HIVEP2: variants seen among roughly 807,000 people sequenced by gnomAD.
The protein encoded by HIVEP2 is HIVEP zinc finger 2.
In HIVEP2, 14 loss-of-function variants were observed where a neutral mutation model predicts 180.7. The ratio of observed to expected loss-of-function variants is 0.08; its 90% CI spans 0.05 to 0.12. The LOEUF (loss-of-function observed/expected upper bound fraction) is 0.12. HIVEP2 is among the 10% of genes least tolerant of loss of function. The pLI, the probability that HIVEP2 is intolerant of heterozygous loss-of-function variation, is 1.00. For synonymous variants in HIVEP2, 1,184 were observed against 1,136.4 expected, an observed-to-expected ratio of 1.04 and a Z score of -0.84; for missense variants, 2,579 against 3,008.5, an observed-to-expected ratio of 0.86 and a Z score of 3.34.
At chr6:142,882,645 G>A (rs1028674041) in intron 1 of HIVEP2, among the ~76,000 whole-genome samples, 1 of 151,426 alleles carries the variant, frequency 6.6e-6, no homozygotes, top group African/African-American at 2.4e-5. Flanking sequence ...GGGGAGGGGA[G>A]GGAAAAGAAA....
Position 142,752,495 on chromosome 6 carries a change from CTAGTT to C in HIVEP2, c.*607_*611del, listed in dbSNP as rs1333702212. ...ATGCATAAGTGCAGAATAAGATACT[CTAGTT>C]TAAATATCTTGTTTACAATGTACAT... On this transcript the variant is annotated 3_prime_UTR_variant, in exon 10 of 10. Transcript: ENST00000367603. The C allele has an allele frequency of 2.0e-5, 3 of 152,722 alleles. No homozygotes were observed. The highest frequency in any genetic ancestry group is 4.4e-5 in the Non-Finnish European group (3 of 68,170). 9.5% of individuals were successfully genotyped at this position (152,722 alleles called of 1,614,324 possible).
chr6:142,812,330 C>A (rs116836581), intron 2 of HIVEP2, among the ~76,000 whole-genome samples: 2,178 of 152,294 alleles, frequency 0.014, 59 homozygotes, highest in African/African-American at 0.048. Context: ...CTGTTCCCAA[C>A]AGCCGGAGGG....
At chr6:142,847,424 G>GAA (rs71815898) in intron 1 of HIVEP2, among the ~76,000 whole-genome samples, 26,341 of 148,038 alleles carry the variant, frequency 0.18, 2,439 homozygotes, top group South Asian at 0.22. Flanking sequence ...TGAAATGTTA[G>GAA]AAAAAAAAAA....
intron 1 of HIVEP2, among the ~76,000 whole-genome samples, chr6:142,906,594 C>T (rs62428760): frequency 0.11 from 15,995 of 151,520 alleles, 1,018 homozygotes; most frequent in South Asian, 0.13. Context: ...ATATTCATTC[C>T]CTTTGAAAAA....
At chr6:142,906,945 A>T (rs1411446174) in intron 1 of HIVEP2, among the ~76,000 whole-genome samples, 1 of 152,218 alleles carries the variant, frequency 6.6e-6, no homozygotes, top group Admixed American at 6.5e-5. Context: ...TGACAAAAAC[A>T]AATAAATTAC....
chr6:142,899,279 A>C (rs886490416), intron 1 of HIVEP2, among the ~76,000 whole-genome samples: 18 of 152,194 alleles, frequency 1.2e-4, no homozygotes, highest in African/African-American at 3.9e-4. Flanking sequence ...TCAACCAGGC[A>C]AATTCCCACC....
At chr6:142,843,201 C>T (rs767508858) in intron 1 of HIVEP2, among the ~76,000 whole-genome samples, 5 of 152,074 alleles carry the variant, frequency 3.3e-5, no homozygotes, top group Non-Finnish European at 7.4e-5. Context: ...GTGATAAGTT[C>T]GCTGGTCTAC....
chr6:142,879,974 C>T (rs1025587645), intron 1 of HIVEP2, among the ~76,000 whole-genome samples: 5 of 152,074 alleles, frequency 3.3e-5, no homozygotes, highest in Admixed American at 6.6e-5. Flanking sequence ...TAGCATAGAA[C>T]CTGGCATATA....
Position 142,943,495 on chromosome 6 carries a change from G to A in HIVEP2, c.-641+1604C>T, listed in dbSNP as rs1178562848. Among the ~76,000 whole-genome samples, 1 of 152,068 alleles carries A rather than the reference G, an allele frequency of 6.6e-6. No homozygotes were observed. The highest frequency in any genetic ancestry group is 2.4e-5 in the African/African-American group (1 of 41,396). ...TATTAATATTTCAAGTAATGTCTGG[G>A]CTTGATTATGCACTACAAAAGAAAC... On this transcript the variant is annotated intron_variant, in intron 1 of 9. Coordinates refer to ENST00000367603, the MANE Select transcript of HIVEP2 (RefSeq NM_006734.4). This position sits in a 1 kb window ranked among gnomAD's most constrained non-coding sequence, Gnocchi z 4.5.
At chr6:142,828,249 A>C (rs1774967787) in intron 2 of HIVEP2, among the ~76,000 whole-genome samples, 1 of 152,148 alleles carries the variant, frequency 6.6e-6, no homozygotes, top group Non-Finnish European at 1.5e-5. Flanking sequence ...TTAGTTTTCC[A>C]GCTACATTTC....
chr6:142,845,439 A>G (rs977476447), intron 1 of HIVEP2, among the ~76,000 whole-genome samples: 3 of 152,140 alleles, frequency 2.0e-5, no homozygotes, highest in Admixed American at 6.5e-5. Flanking sequence ...GTGTGTGTGT[A>G]TATATACGTA....
At chr6:142,768,797 T>A (rs922184877) in intron 5 of HIVEP2, among the ~76,000 whole-genome samples, 1 of 151,836 alleles carries the variant, frequency 6.6e-6, no homozygotes, top group African/African-American at 2.4e-5. Flanking sequence ...ACATATACAC[T>A]CAGCACTCTG....
intron 1 of HIVEP2, among the ~76,000 whole-genome samples, chr6:142,906,552 A>G (rs1777268521): frequency 6.6e-6 from 1 of 152,140 alleles, no homozygotes. Flanking sequence ...AATGGGAAGC[A>G]ATTTGAAAAT....
chr6:142,787,584 G>T (rs1430764046), intron 2 of HIVEP2, among the ~76,000 whole-genome samples: 2 of 120,508 alleles, frequency 1.7e-5, no homozygotes, highest in Non-Finnish European at 3.6e-5. Context: ...AAAAAAAAAA[G>T]ACTCTAAATG....
chr6:142,788,606 A>C (rs1426055039), intron 2 of HIVEP2, among the ~76,000 whole-genome samples: 1 of 152,060 alleles, frequency 6.6e-6, no homozygotes, highest in Non-Finnish European at 1.5e-5. Flanking sequence ...CCAACTACTC[A>C]GGAGGCTGAG....
intron 1 of HIVEP2, among the ~76,000 whole-genome samples, chr6:142,882,471 G>A (rs940206949): frequency 4.0e-5 from 6 of 151,866 alleles, no homozygotes; most frequent in African/African-American, 7.3e-5. Context: ...ATAAATAGCC[G>A]GGAGTGGTAG....
chr6:142,888,217 T>G (rs1016728211), intron 1 of HIVEP2, among the ~76,000 whole-genome samples: 2 of 152,282 alleles, frequency 1.3e-5, no homozygotes, highest in African/African-American at 4.8e-5. Context: ...TTTGTTTTGT[T>G]GTATTGTTCT....
chr6:142,812,218 T>A (rs1033997775), intron 2 of HIVEP2, among the ~76,000 whole-genome samples: 1 of 152,078 alleles, frequency 6.6e-6, no homozygotes, highest in Non-Finnish European at 1.5e-5. Flanking sequence ...TTCAGTTGAG[T>A]ACTGATTGAT....
At chr6:142,908,528 T>C (rs2128428451) in intron 1 of HIVEP2, among the ~76,000 whole-genome samples, 1 of 152,310 alleles carries the variant, frequency 6.6e-6, no homozygotes, top group South Asian at 2.1e-4. Flanking sequence ...ATATAGTTTC[T>C]AGCCCATTGC....
Sources: gnomAD v4.1 joint callset for allele counts (sites outside exome capture counted in the v4.1 genomes callset) on GRCh38, gnomAD v4.1.1 for gene constraint, Gnocchi (gnomAD v3.1) non-coding constraint, MANE v1.5 for transcripts, NCBI Gene and HGNC (gene_info 2026-07-23, HGNC 2026-07-21) for gene names.